Variants in VPS13B observed in about 807,000 individuals in gnomAD.
The protein encoded by VPS13B is vacuolar protein sorting 13 homolog B.
VPS13B carries 285 observed loss-of-function variants against 426.4 expected under a neutral mutation model. The ratio of observed to expected loss-of-function variants is 0.67; its 90% CI spans 0.61 to 0.74. VPS13B has a LOEUF of 0.74. VPS13B is among the 30% of genes least tolerant of loss of function. VPS13B has a pLI of 0.00. For synonymous variants in VPS13B, 1,676 were observed against 1,676.4 expected (o/e 1.00, Z 0.01); for missense variants, 4,537 against 4,782.6 (o/e 0.95, Z 1.51).
intron 25 of VPS13B, among the ~76,000 whole-genome samples, chr8:99,499,089 C>G (rs1441074737): frequency 6.6e-6 from 1 of 152,120 alleles, no homozygotes; most frequent in Admixed American, 6.6e-5. Context: ...GGAAAATAAA[C>G]TTAGCATTTG....
rs1024833214 is a variant in VPS13B, at chr8:99,080,550, G to A, written c.292-15762G>A. Among the ~76,000 whole-genome samples the A allele has an allele frequency of 3.9e-5, 6 of 152,000 alleles. 1 individual carries two copies. The South Asian group carries it at 1.2e-3, about 32-fold the overall frequency. On this transcript the variant is annotated intron_variant, in intron 3 of 61. Transcript: ENST00000357162. ...TATTCCATGTATCCATATATATCAC[G>A]ATCTGTTTCTGGGCTCTCCTCTGTT...
intron 60 of VPS13B, 114 bp from the exon 61 acceptor site, chr8:99,871,334 T>C (rs936468746): frequency 2.7e-6 from 4 of 1,495,136 alleles, no homozygotes; most frequent in Admixed American, 1.7e-5. Flanking sequence ...GGTAACTGGA[T>C]TGGTGAGGGC....
intron 3 of VPS13B, among the ~76,000 whole-genome samples, chr8:99,062,643 TTTTTA>T (rs1844252520): frequency 6.6e-6 from 1 of 151,930 alleles, no homozygotes; most frequent in Non-Finnish European, 1.5e-5. Context: ...TAATTTTGTA[TTTTTA>T]GTAGAGATGG....
intron 25 of VPS13B, 116 bp downstream of exon 25, chr8:99,481,918 G>A (rs1203273464): frequency 8.1e-7 from 1 of 1,228,474 alleles, no homozygotes; most frequent in Non-Finnish European, 1.1e-6. Context: ...AGATTCTGAA[G>A]GTTCAAGAGG....
At chr8:99,684,161 T>C (rs1044598778) in intron 35 of VPS13B, among the ~76,000 whole-genome samples, 1 of 152,254 alleles carries the variant, frequency 6.6e-6, no homozygotes, top group African/African-American at 2.4e-5. Flanking sequence ...AACCCCTGTT[T>C]TAGTTGTGGT....
chr8:99,014,803 C>G lies in VPS13B; in HGVS notation c.147+868C>G, dbSNP rs560240569. ...TTGAGAATGGCAGTAAAATTGGAAA[C>G]TTCTTTATTAATCGTTTTAGTTTCT... On this transcript the variant is annotated intron_variant, in intron 2 of 61. Transcript: ENST00000357162. Among the ~76,000 whole-genome samples the G allele has an allele frequency of 9.2e-5, 14 of 151,452 alleles. No homozygotes were observed. In the South Asian group the frequency reaches 2.5e-3, roughly 27 times the overall value.
chr8:99,708,759 T>C (rs1032242606), intron 36 of VPS13B, among the ~76,000 whole-genome samples: 6 of 152,146 alleles, frequency 3.9e-5, no homozygotes, highest in South Asian at 2.1e-4. Context: ...GGTTTTGTTA[T>C]GTTTTGTCCC....
rs1315029214 is a variant in VPS13B, at chr8:99,819,580, C to T, written c.8790C>T (p.Asp2930=). The part of the protein sequence containing the change: ...PIWPYNKKDS[D]RNEQLSQWDS... ...GGCCCTATAATAAGAAGGATTCTGACAGGTAATATTCTTCAGTGATCTTTT... is the reference window on the plus strand; with the variant it reads ...GGCCCTATAATAAGAAGGATTCTGATAGGTAATATTCTTCAGTGATCTTTT... The change falls in exon 48 of 62, where the codon GAC becomes GAT. Residue 2930 remains aspartate, a splice_region_variant and synonymous_variant. Coordinates refer to ENST00000357162, the MANE Select transcript of VPS13B (RefSeq NM_152564.5). 6.2e-7 allele frequency: 1 copy of T among 1,613,278 alleles called. No individual in the cohort carries two copies. The highest frequency in any genetic ancestry group is 8.5e-7 in the Non-Finnish European group (1 of 1,179,742).
intron 33 of VPS13B, among the ~76,000 whole-genome samples, chr8:99,603,673 A>G (rs944611090): frequency 6.6e-6 from 1 of 152,186 alleles, no homozygotes; most frequent in Non-Finnish European, 1.5e-5. Context: ...ACTTCATCAC[A>G]CTACTAAGAA....
intron 39 of VPS13B, among the ~76,000 whole-genome samples, chr8:99,721,392 A>G (rs963195558): frequency 6.6e-6 from 1 of 152,070 alleles, no homozygotes; most frequent in Non-Finnish European, 1.5e-5. Context: ...AGTTTCTAGA[A>G]CCGCCCCATG....
intron 34 of VPS13B, among the ~76,000 whole-genome samples, chr8:99,655,273 A>G: frequency 6.6e-6 from 1 of 152,236 alleles, no homozygotes; most frequent in East Asian, 1.9e-4. Flanking sequence ...AGAGACAAAG[A>G]GTTTTGATAC....
At chr8:99,788,782 T>A (rs1011598940) in intron 43 of VPS13B, among the ~76,000 whole-genome samples, 5 of 152,206 alleles carry the variant, frequency 3.3e-5, no homozygotes, top group African/African-American at 1.2e-4. Flanking sequence ...TCACAGGCTA[T>A]CCAAAAATAG....
chr8:99,784,063 T>C lies in VPS13B; in HGVS notation c.7780-252T>C, dbSNP rs373031703. Among the ~76,000 whole-genome samples the C allele has an allele frequency of 9.8e-4, 150 of 152,342 alleles. 1 individual carries two copies. In the Middle Eastern group the frequency reaches 0.014, roughly 14 times the overall value. On this transcript the variant is annotated intron_variant, in intron 42 of 61. Transcript: ENST00000357162. The stretch of plus-strand genomic sequence containing the variant: ...AGTTTGAGGGATCTCATTGTTCTTT[T>C]ACTCTTCAGCGTGTATGATTTATTT...
chr8:99,482,805 T>A (rs1460284246), intron 25 of VPS13B, among the ~76,000 whole-genome samples: 1 of 152,130 alleles, frequency 6.6e-6, no homozygotes, highest in Non-Finnish European at 1.5e-5. Flanking sequence ...ACAGTCTTCA[T>A]TTTTCAGGAC....
At chr8:99,260,147 A>G (rs543429301) in intron 17 of VPS13B, among the ~76,000 whole-genome samples, 1 of 152,252 alleles carries the variant, frequency 6.6e-6, no homozygotes, top group African/African-American at 2.4e-5. Context: ...GTGAACTGGA[A>G]GGTGGTTATA....
At chr8:99,362,516 T>C (rs1415862367) in intron 19 of VPS13B, among the ~76,000 whole-genome samples, 1 of 152,108 alleles carries the variant, frequency 6.6e-6, no homozygotes, top group African/African-American at 2.4e-5. Flanking sequence ...GATTGAATAA[T>C]TGAGGGCAGA....
intron 43 of VPS13B, among the ~76,000 whole-genome samples, chr8:99,784,915 A>AT (rs1812187995): frequency 1.3e-5 from 2 of 151,972 alleles, no homozygotes; most frequent in Admixed American, 6.6e-5. Context: ...GTTTCTTCAG[A>AT]TTTTTTTTCT....
chr8:99,613,704 A>T (rs1351092239), intron 33 of VPS13B: 1 of 152,214 alleles, frequency 6.6e-6, no homozygotes, highest in African/African-American at 2.4e-5. Context: ...GTAAAATTGG[A>T]TAAATATGGT....
chr8:99,117,407 G>A (rs1455301224), intron 7 of VPS13B, among the ~76,000 whole-genome samples: 1 of 152,096 alleles, frequency 6.6e-6, no homozygotes, highest in Non-Finnish European at 1.5e-5. Flanking sequence ...GTGAAACATA[G>A]AGTTACCATG....
Sources: gnomAD v4.1 joint callset for allele counts (sites outside exome capture counted in the v4.1 genomes callset) on GRCh38, gnomAD v4.1.1 for gene constraint, MANE v1.5 for transcripts, NCBI Gene and HGNC (gene_info 2026-07-23, HGNC 2026-07-21) for gene names.